Variants in EXT2 observed in about 807,000 individuals in gnomAD.
EXT2 encodes exostosin glycosyltransferase 2, also known as exostosin-2.
Under a neutral mutation model 81.6 loss-of-function variants are expected in EXT2, and 53 were observed. The ratio of observed to expected loss-of-function variants is 0.65; its 90% CI spans 0.52 to 0.82. EXT2 has a LOEUF of 0.82. Among genes scored for constraint, EXT2 ranks in the 40% least tolerant of loss-of-function variants. The pLI is 0.00. For missense variants in EXT2, 774 were observed against 910.2 expected (o/e 0.85, Z 1.93); for synonymous variants, 320 against 340.0 (o/e 0.94, Z 0.65).
At chr11:44,226,964 A>G (rs911088809) in intron 10 of EXT2, among the ~76,000 whole-genome samples, 2 of 152,114 alleles carry the variant, frequency 1.3e-5, no homozygotes, top group African/African-American at 4.8e-5. Flanking sequence ...TTCTCTCACT[A>G]CTTCTTAGTC....
At chr11:44,126,742 G>A in intron 5 of EXT2, 74 bp from the exon 6 acceptor site, 2 of 1,601,266 alleles carry the variant, frequency 1.2e-6, no homozygotes, top group Admixed American at 1.7e-5. Context: ...TAGAAACTTT[G>A]TGGTCTGTAG....
chr11:44,228,290 G>T (rs1001673508), intron 10 of EXT2, among the ~76,000 whole-genome samples: 1 of 152,182 alleles, frequency 6.6e-6, no homozygotes, highest in Non-Finnish European at 1.5e-5. Flanking sequence ...GGGATATTCT[G>T]TGAAGTTTCA....
chr11:44,227,288 G>A (rs1955848377), intron 10 of EXT2, among the ~76,000 whole-genome samples: 1 of 152,190 alleles, frequency 6.6e-6, no homozygotes, highest in Non-Finnish European at 1.5e-5. Context: ...GTACTTCTAT[G>A]TGTATGGCAT....
Position 44,171,637 on chromosome 11 carries a change from C to A in EXT2, c.1200C>A (p.Phe400Leu), listed in dbSNP as rs773613001. ...RQARWFWEAY[F>L]QSIKAIALAT... ...CCCGGTGGTTCTGGGAAGCGTACTTCCAGTCAATTAAAGCCATTGCCCTGG... is the reference window on the plus strand; with the variant it reads ...CCCGGTGGTTCTGGGAAGCGTACTTACAGTCAATTAAAGCCATTGCCCTGG... The change falls in exon 8 of 14, where the codon TTC (phenylalanine) becomes TTA (leucine). Residue 400 changes from phenylalanine to leucine, a missense_variant. Transcript: ENST00000533608. 1.5e-5 allele frequency: 25 copies of A among 1,614,144 alleles called. No individual in the cohort carries two copies. In the East Asian group the frequency reaches 5.3e-4, roughly 35 times the overall value.
chr11:44,201,133 A>G (rs1378590626), intron 9 of EXT2, among the ~76,000 whole-genome samples: 2 of 152,246 alleles, frequency 1.3e-5, no homozygotes, highest in Non-Finnish European at 2.9e-5. Context: ...ACAGGATGAG[A>G]CATAAGATAC....
chr11:44,184,608 G>A (rs1955284130), intron 8 of EXT2, among the ~76,000 whole-genome samples: 2 of 152,128 alleles, frequency 1.3e-5, no homozygotes, highest in African/African-American at 4.8e-5. Context: ...GAAATTAGCT[G>A]GGCGTGGTGG....
chr11:44,152,205 G>T (rs1954800952), intron 7 of EXT2, among the ~76,000 whole-genome samples: 1 of 152,130 alleles, frequency 6.6e-6, no homozygotes, highest in Non-Finnish European at 1.5e-5. Context: ...TGCACATCAG[G>T]AGTGTTTAAT....
intron 8 of EXT2, among the ~76,000 whole-genome samples, chr11:44,179,015 G>A (rs1955197420): frequency 1.3e-5 from 2 of 152,106 alleles, no homozygotes; most frequent in Non-Finnish European, 1.5e-5. Context: ...CAGCAGCCAG[G>A]GAATAAGGAA....
chr11:44,162,190 T>G (rs1954936419), intron 7 of EXT2, among the ~76,000 whole-genome samples: 1 of 152,224 alleles, frequency 6.6e-6, no homozygotes, highest in Non-Finnish European at 1.5e-5. Context: ...TAGGAGAAGC[T>G]GGATGAGGGG....
At chr11:44,235,672 T>C (rs1399551710) in intron 12 of EXT2, among the ~76,000 whole-genome samples, 1 of 152,198 alleles carries the variant, frequency 6.6e-6, no homozygotes. Flanking sequence ...CCCTTCCATC[T>C]CTTCACTGTT....
At chr11:44,126,273 G>A (rs776697902) in intron 5 of EXT2, among the ~76,000 whole-genome samples, 11 of 152,234 alleles carry the variant, frequency 7.2e-5, no homozygotes, top group South Asian at 4.2e-4. Flanking sequence ...CTTTTCAAAG[G>A]CATTGAATTC....
At chr11:44,233,662 G>A (rs1028385414) in intron 11 of EXT2, among the ~76,000 whole-genome samples, 4 of 152,102 alleles carry the variant, frequency 2.6e-5, no homozygotes, top group Admixed American at 1.3e-4. Context: ...TATTCATATC[G>A]ATTGTTTGTT....
At chr11:44,135,390 CT>C (rs10707708) in intron 7 of EXT2, among the ~76,000 whole-genome samples, 89,329 of 116,238 alleles carry the variant, frequency 0.77, 34,057 homozygotes, top group East Asian at 0.91. Flanking sequence ...GATGGAAATA[CT>C]TTTTTTTTTT....
At chr11:44,144,490 G>A (rs1034538557) in intron 7 of EXT2, among the ~76,000 whole-genome samples, 1 of 152,184 alleles carries the variant, frequency 6.6e-6, no homozygotes. Context: ...GCCACTGGCC[G>A]GCCTTGCCTT....
At chr11:44,115,186 G>A (rs1044012761) in intron 4 of EXT2, among the ~76,000 whole-genome samples, 11 of 152,254 alleles carry the variant, frequency 7.2e-5, no homozygotes, top group Admixed American at 1.3e-4. Flanking sequence ...GATTTTGTAC[G>A]TGCAGTGAAG....
intron 13 of EXT2, among the ~76,000 whole-genome samples, chr11:44,242,349 A>C (rs111823021): frequency 0.023 from 3,436 of 152,220 alleles, 54 homozygotes; most frequent in Non-Finnish European, 0.034. Flanking sequence ...CGCTTGGTCC[A>C]CCTCACTTTG....
chr11:44,133,019 A>G (rs1954516231), intron 7 of EXT2, among the ~76,000 whole-genome samples: 1 of 152,198 alleles, frequency 6.6e-6, no homozygotes, highest in Admixed American at 6.5e-5. Context: ...ACTAGATTCC[A>G]ATAGCACCCC....
At chr11:44,241,156 C>A (rs759475198) in intron 13 of EXT2, among the ~76,000 whole-genome samples, 4 of 152,094 alleles carry the variant, frequency 2.6e-5, no homozygotes, top group Non-Finnish European at 4.4e-5. Flanking sequence ...CCATTACTAC[C>A]CAGCTTCCAT....
chr11:44,170,736 A>G (rs1412653477), intron 7 of EXT2, among the ~76,000 whole-genome samples: 2 of 151,984 alleles, frequency 1.3e-5, no homozygotes, highest in Non-Finnish European at 2.9e-5. Context: ...TATGAAACTG[A>G]TATACACACA....
Sources: allele counts gnomAD v4.1 joint callset (sites outside exome capture counted in the v4.1 genomes callset), GRCh38; gene constraint gnomAD v4.1.1; transcripts MANE v1.5; gene names NCBI Gene and HGNC (gene_info 2026-07-23, HGNC 2026-07-21).